CERS6: variants seen among roughly 807,000 people sequenced by gnomAD.
CERS6 encodes LAG1 homolog, ceramide synthase 6.
Under a neutral mutation model 56.8 loss-of-function variants are expected in CERS6, and 26 were observed. The ratio of observed to expected loss-of-function variants is 0.46; its 90% CI spans 0.34 to 0.63. CERS6 has a LOEUF of 0.63. Among genes scored for constraint, CERS6 ranks in the 30% least tolerant of loss-of-function variants. The pLI is 0.01. For missense variants in CERS6, 415 were observed against 467.5 expected (o/e 0.89, Z 1.04); for synonymous variants, 164 against 173.3 (o/e 0.95, Z 0.42).
intron 1 of CERS6, among the ~76,000 whole-genome samples, chr2:168,499,613 C>T (rs965548802): frequency 6.6e-6 from 1 of 152,060 alleles, no homozygotes; most frequent in African/African-American, 2.4e-5. Context: ...TGTTGATGTC[C>T]GTACAACAGG....
At position 168,456,672 on chromosome 2, in the gene CERS6, A is replaced by G. The variant is rs1240421634; in HGVS notation, c.170+54A>G. On this transcript the variant is annotated intron_variant, in intron 1 of 9. Transcript: ENST00000305747. This position sits in a 1 kb window ranked among gnomAD's most constrained non-coding sequence, Gnocchi z 4.1. The stretch of plus-strand genomic sequence containing the variant: ...TCCCCCTGCGCACACACACGCGCGC[A>G]CACACTCGCGCGCTCTCTGGCGCAC... 3.9e-6 allele frequency: 6 copies of G among 1,539,752 alleles called. No homozygotes were observed. Among genetic ancestry groups the G allele is most frequent in the Non-Finnish European group, 5.3e-6 (6 of 1,128,470 alleles).
chr2:168,553,962 T>A (rs1558995410), intron 2 of CERS6, among the ~76,000 whole-genome samples: 1 of 152,170 alleles, frequency 6.6e-6, no homozygotes, highest in South Asian at 2.1e-4. Context: ...ATACGCATAT[T>A]TAATAGTACC....
chr2:168,769,332 G>A (rs79621965), intron 9 of CERS6, among the ~76,000 whole-genome samples, 178 bp from the exon 10 acceptor site: 3 of 152,104 alleles, frequency 2.0e-5, no homozygotes, highest in Non-Finnish European at 2.9e-5. Context: ...TGACTTTGTC[G>A]CCTACATTTT....
At chr2:168,581,766 G>C (rs1683417824) in intron 3 of CERS6, among the ~76,000 whole-genome samples, 1 of 152,144 alleles carries the variant, frequency 6.6e-6, no homozygotes, top group Non-Finnish European at 1.5e-5. Context: ...GTATTTGCGG[G>C]TGTGTTTCTG....
At chr2:168,589,831 G>A (rs1356167861) in intron 3 of CERS6, among the ~76,000 whole-genome samples, 4 of 152,182 alleles carry the variant, frequency 2.6e-5, no homozygotes, top group Non-Finnish European at 5.9e-5. Context: ...TAGAAAGAGG[G>A]CTTCAAGGAA....
At chr2:168,675,084 C>T (rs1437676237) in intron 4 of CERS6, among the ~76,000 whole-genome samples, 3 of 151,986 alleles carry the variant, frequency 2.0e-5, no homozygotes, top group Non-Finnish European at 4.4e-5. Context: ...AGCAATCCCT[C>T]TGCCTCAGCC....
chr2:168,705,938 T>G (rs1309005717), intron 6 of CERS6, among the ~76,000 whole-genome samples: 1 of 152,180 alleles, frequency 6.6e-6, no homozygotes, highest in Non-Finnish European at 1.5e-5. Flanking sequence ...AAGTGACCTT[T>G]CCCCATTAAA....
intron 3 of CERS6, 101 bp from the exon 4 acceptor site, chr2:168,630,884 C>T: frequency 1.9e-6 from 1 of 525,236 alleles, no homozygotes; most frequent in Non-Finnish European, 3.4e-6. Flanking sequence ...GGTAGGGGGA[C>T]AAATTTAATT....
chr2:168,507,064 G>A (rs1694691517), intron 1 of CERS6, among the ~76,000 whole-genome samples: 1 of 152,100 alleles, frequency 6.6e-6, no homozygotes, highest in Non-Finnish European at 1.5e-5. Context: ...GCATGTGTGT[G>A]TGTGATCTTT....
At chr2:168,528,810 G>T (rs1371521887) in intron 1 of CERS6, among the ~76,000 whole-genome samples, 2 of 152,188 alleles carry the variant, frequency 1.3e-5, no homozygotes, top group African/African-American at 4.8e-5. Context: ...ACTTTCTCTG[G>T]ACCTCAGTTT....
At chr2:168,597,355 G>T (rs1022424992) in intron 3 of CERS6, among the ~76,000 whole-genome samples, 1 of 152,168 alleles carries the variant, frequency 6.6e-6, no homozygotes, top group Non-Finnish European at 1.5e-5. Context: ...CCAAAACAAA[G>T]AGGATCTTTC....
intron 1 of CERS6, among the ~76,000 whole-genome samples, chr2:168,482,085 AT>A (rs1694186910): frequency 6.6e-6 from 1 of 152,260 alleles, no homozygotes; most frequent in African/African-American, 2.4e-5. Context: ...GCTGAAATAA[AT>A]TATGGCATTT....
intron 7 of CERS6, among the ~76,000 whole-genome samples, chr2:168,716,060 T>G (rs896207237): frequency 2.6e-5 from 4 of 152,116 alleles, no homozygotes. Context: ...AGCAGAATTC[T>G]ATGCTATAAA....
At chr2:168,637,764 C>G (rs1684896322) in intron 4 of CERS6, among the ~76,000 whole-genome samples, 1 of 152,024 alleles carries the variant, frequency 6.6e-6, no homozygotes, top group African/African-American at 2.4e-5. Context: ...AAGTAACAAT[C>G]TCATGTATGT....
rs1279037627 is a variant in CERS6 at position 168,775,108 on chromosome 2, A to G, written c.*5446A>G. The G allele has an allele frequency of 2.6e-5, 4 of 152,334 alleles. No individual in the cohort carries two copies. Among genetic ancestry groups the G allele is most frequent in the Non-Finnish European group, 5.9e-5 (4 of 68,034 alleles). The allele number at this position is 152,334 out of a possible 1,614,324, so 9.4% of individuals were successfully genotyped here. Reference sequence around the variant, plus strand: ...ATCATTTTACTTTGGAAACACTTTCATAATAAAGATAAGTATTAAGAGTGC... The same window carrying G: ...ATCATTTTACTTTGGAAACACTTTCGTAATAAAGATAAGTATTAAGAGTGC... On this transcript the variant is annotated 3_prime_UTR_variant, in exon 10 of 10. Coordinates refer to ENST00000305747, the MANE Select transcript of CERS6 (RefSeq NM_203463.3).
intron 1 of CERS6, among the ~76,000 whole-genome samples, chr2:168,498,400 A>G (rs1332476200): frequency 6.6e-6 from 1 of 152,182 alleles, no homozygotes. Context: ...CACAACCTGC[A>G]GGCAGGAAGC....
chr2:168,577,506 A>G (rs1455375060), intron 3 of CERS6, among the ~76,000 whole-genome samples: 1 of 152,204 alleles, frequency 6.6e-6, no homozygotes, highest in Non-Finnish European at 1.5e-5. Flanking sequence ...AACAAGGGAA[A>G]AATGATGGCT....
chr2:168,635,845 A>G (rs549781593), intron 4 of CERS6, among the ~76,000 whole-genome samples: 4 of 152,264 alleles, frequency 2.6e-5, no homozygotes, highest in East Asian at 1.9e-4. Context: ...CTCAAATTCA[A>G]CACACAAAGC....
intron 3 of CERS6, among the ~76,000 whole-genome samples, chr2:168,601,751 T>C (rs1285814675): frequency 1.3e-5 from 2 of 152,156 alleles, no homozygotes; most frequent in African/African-American, 4.8e-5. Flanking sequence ...GGTTTCACCA[T>C]GTTGGCCATG....
Sources: allele counts gnomAD v4.1 joint callset (sites outside exome capture counted in the v4.1 genomes callset), GRCh38; gene constraint gnomAD v4.1.1; non-coding constraint Gnocchi (gnomAD v3.1); transcripts MANE v1.5; gene names NCBI Gene and HGNC (gene_info 2026-07-23, HGNC 2026-07-21).